Variants in NRG4 observed in about 807,000 individuals in gnomAD.
NRG4 encodes the protein neuregulin 4, also known as pro-neuregulin-4, membrane-bound isoform.
Under a neutral mutation model 15.0 loss-of-function variants are expected in NRG4, and 10 were observed. That is an observed-to-expected ratio of 0.67 (90% CI 0.41 to 1.13). The LOEUF is 1.13. Ranked by LOEUF, NRG4 falls within the 50% of genes most tolerant of loss-of-function variation. NRG4 has a pLI of 0.00. For synonymous variants in NRG4, 41 were observed against 50.1 expected (o/e 0.82, Z 0.77); for missense variants, 139 against 140.2 (o/e 0.99, Z 0.04).
chr15:75,965,078 T>G (rs1282429693), intron 3 of NRG4, among the ~76,000 whole-genome samples: 1 of 151,624 alleles, frequency 6.6e-6, no homozygotes, highest in Non-Finnish European at 1.5e-5. Flanking sequence ...ACAAAAAAAT[T>G]AGCTGGGCAT....
chr15:75,998,729 T>C (rs1057319673), intron 3 of NRG4, among the ~76,000 whole-genome samples: 7 of 152,034 alleles, frequency 4.6e-5, no homozygotes, highest in Admixed American at 3.9e-4. Context: ...ATCAAATCTA[T>C]GGGAAAAAAT....
At chr15:75,969,728 G>A (rs72734565) in intron 3 of NRG4, among the ~76,000 whole-genome samples, 1,772 of 152,294 alleles carry the variant, frequency 0.012, 18 homozygotes, top group Non-Finnish European at 0.013. Context: ...TCTAAGCATG[G>A]TGAGGTCAAG....
intron 3 of NRG4, among the ~76,000 whole-genome samples, chr15:75,979,996 T>C (rs2033539856): frequency 6.6e-6 from 1 of 152,218 alleles, no homozygotes; most frequent in Non-Finnish European, 1.5e-5. Flanking sequence ...TTTATCATTT[T>C]TTCTTGAAAG....
chr15:76,048,196 G>C (rs1345167300), intron 4 of NRG4, among the ~76,000 whole-genome samples: 2 of 150,178 alleles, frequency 1.3e-5, no homozygotes, highest in East Asian at 3.9e-4. Context: ...TGGAGGCTGG[G>C]CACGGTAGCT....
At chr15:76,026,440 T>C (rs1234156264) in intron 5 of NRG4, among the ~76,000 whole-genome samples, 2 of 152,154 alleles carry the variant, frequency 1.3e-5, no homozygotes, top group Non-Finnish European at 2.9e-5. Flanking sequence ...CCAGCAAAGA[T>C]ATCCTTCAGG....
intron 3 of NRG4, among the ~76,000 whole-genome samples, chr15:75,981,399 CAAG>C (rs987547317): frequency 3.3e-5 from 5 of 152,104 alleles, no homozygotes; most frequent in Admixed American, 6.6e-5. Context: ...CTTGAATTCC[CAAG>C]AATTCTGAGT....
In NRG4 at chr15:75,943,535, T is replaced by G; in HGVS notation, c.*103A>C. 1 of 744,242 alleles carries G rather than the reference T, an allele frequency of 1.3e-6. No homozygotes were observed. Among genetic ancestry groups the G allele is most frequent in the Non-Finnish European group, 2.3e-6 (1 of 428,598 alleles). 46.1% of individuals were successfully genotyped at this position (744,242 alleles called of 1,614,324 possible). Reference sequence around the variant, plus strand: ...TGATACGAGTTACACAAGCGTTTTATTTAAGAAATAAAGGATTAGATTTTT... The same window carrying G: ...TGATACGAGTTACACAAGCGTTTTAGTTAAGAAATAAAGGATTAGATTTTT... On this transcript the variant is annotated 3_prime_UTR_variant, in exon 6 of 6. Transcript: ENST00000394907.
At chr15:75,958,105 C>G (rs1009347708) in intron 4 of NRG4, among the ~76,000 whole-genome samples, 1 of 152,114 alleles carries the variant, frequency 6.6e-6, no homozygotes, top group Non-Finnish European at 1.5e-5. Flanking sequence ...CTCCACCTCC[C>G]AGGTTCACGC....
chr15:76,041,662 C>T (rs1015396053), intron 4 of NRG4, among the ~76,000 whole-genome samples: 1 of 152,056 alleles, frequency 6.6e-6, no homozygotes, highest in African/African-American at 2.4e-5. Context: ...GCACCCAACA[C>T]TAGAGCACCC....
chr15:75,958,772 G>A (rs957657067), intron 4 of NRG4, among the ~76,000 whole-genome samples: 1 of 151,982 alleles, frequency 6.6e-6, no homozygotes, highest in Non-Finnish European at 1.5e-5. Flanking sequence ...CTGCTACAGG[G>A]TACTTCAGAC....
At position 75,941,776 on chromosome 15, in the gene NRG4, T is replaced by A. The variant is rs1567063976; in HGVS notation, c.*1862A>T. 1 of 152,094 alleles carries A rather than the reference T, an allele frequency of 6.6e-6. No homozygotes were observed. Among genetic ancestry groups the A allele is most frequent in the Non-Finnish European group, 1.5e-5 (1 of 67,984 alleles). The allele number at this position is 152,094 out of a possible 1,614,324, so 9.4% of individuals were successfully genotyped here. A position where few individuals can be genotyped will look rare whatever the true frequency, so the allele number is the denominator to read the frequency against. ...AGCAGGAGGGAATGGGAATTTATTG[T>A]TTAAGGGGCACAGAGATTAGTGTGG... is the stretch of plus-strand genomic sequence containing the variant. On this transcript the variant is annotated 3_prime_UTR_variant, in exon 6 of 6. Transcript: ENST00000394907.
At chr15:76,058,553 A>T (rs929590509) in intron 1 of NRG4, among the ~76,000 whole-genome samples, 2 of 152,170 alleles carry the variant, frequency 1.3e-5, no homozygotes, top group African/African-American at 4.8e-5. Flanking sequence ...TTTTCATTTT[A>T]TCCATACTAA....
intron 4 of NRG4, among the ~76,000 whole-genome samples, chr15:75,959,361 A>C (rs77545565): frequency 0.019 from 2,866 of 152,268 alleles, 104 homozygotes; most frequent in African/African-American, 0.066. Context: ...TTTGGTCACT[A>C]TATTAGATAT....
chr15:75,985,763 T>G (rs1339806216), intron 3 of NRG4, among the ~76,000 whole-genome samples: 2 of 151,732 alleles, frequency 1.3e-5, no homozygotes, highest in Non-Finnish European at 2.9e-5. Context: ...TAAGTCAACA[T>G]CCAAAACCCA....
chr15:76,019,906 A>T (rs2035100701), intron 5 of NRG4, among the ~76,000 whole-genome samples: 1 of 152,172 alleles, frequency 6.6e-6, no homozygotes, highest in Non-Finnish European at 1.5e-5. Context: ...TGCACTTTGC[A>T]GATATTGTTT....
chr15:75,971,821 A>G (rs1002096727), intron 3 of NRG4, among the ~76,000 whole-genome samples: 2 of 152,222 alleles, frequency 1.3e-5, no homozygotes, highest in Non-Finnish European at 2.9e-5. Flanking sequence ...CAGTGCCACA[A>G]TAAACATACG....
chr15:76,020,688 ATGCG>A (rs751461893), intron 5 of NRG4, among the ~76,000 whole-genome samples: 389 of 152,398 alleles, frequency 2.6e-3, no homozygotes, highest in Non-Finnish European at 4.0e-3. Flanking sequence ...TCTGGGCTGC[ATGCG>A]GCCCACGCGC....
At chr15:75,959,392 T>G (rs1195125456) in intron 4 of NRG4, among the ~76,000 whole-genome samples, 1 of 152,166 alleles carries the variant, frequency 6.6e-6, no homozygotes, top group Non-Finnish European at 1.5e-5. Flanking sequence ...CTCTTTATCT[T>G]ATGAGCATAT....
Position 76,011,252 on chromosome 15 carries a change from T to C in NRG4, c.-22A>G. ...GCATCTTAATTTGTAAATAGTTTCATTCTTGGTCAAGAGAGTAGGGTTGAA... is the reference window on the plus strand; with the variant it reads ...GCATCTTAATTTGTAAATAGTTTCACTCTTGGTCAAGAGAGTAGGGTTGAA... On this transcript the variant is annotated 5_prime_UTR_variant, in exon 2 of 6. It removes an upstream start codon present in the reference 5' UTR. Coordinates refer to ENST00000394907, the MANE Select transcript of NRG4 (RefSeq NM_138573.4). 6.9e-7 allele frequency: 1 copy of C among 1,448,404 alleles called. No homozygotes were observed. The highest frequency in any genetic ancestry group is 9.2e-7 in the Non-Finnish European group (1 of 1,092,720). 89.7% of individuals were successfully genotyped at this position (1,448,404 alleles called of 1,614,324 possible).
Sources: allele counts gnomAD v4.1 joint callset (sites outside exome capture counted in the v4.1 genomes callset), GRCh38; gene constraint gnomAD v4.1.1; transcripts MANE v1.5; gene names NCBI Gene and HGNC (gene_info 2026-07-23, HGNC 2026-07-21).